Variants in TAGLN observed in about 807,000 individuals in gnomAD.
The protein encoded by TAGLN is 22 kDa actin-binding protein.
TAGLN carries 16 observed loss-of-function variants against 21.9 expected under a neutral mutation model. The ratio of observed to expected loss-of-function variants is 0.73; its 90% CI spans 0.49 to 1.11. TAGLN has a LOEUF of 1.11. Ranked by LOEUF, TAGLN falls within the 50% of genes least tolerant of loss-of-function variation. The pLI, the probability that TAGLN is intolerant of heterozygous loss-of-function variation, is 0.00. For synonymous variants in TAGLN, 96 were observed against 94.9 expected (o/e 1.01, Z -0.06); for missense variants, 248 against 263.2 (o/e 0.94, Z 0.40).
At chr11:117,199,298 G>A (rs998513270), upstream of TAGLN, 1 of 152,446 alleles carries the variant, frequency 6.6e-6, no homozygotes, top group East Asian at 1.9e-4. Context: ...GGGGGCCGAG[G>A]AGCGAGCCAG....
At position 117,203,820 on chromosome 11, in the gene TAGLN, T is replaced by C; in HGVS notation, c.397T>C (p.Leu133=). The stretch of plus-strand genomic sequence containing the variant: ...AGCAGTGCAGAGGACCCTGATGGCT[T>C]TGGGCAGCTTGGCAGTGACCAAGAA... ...MAAVQRTLMA[L]GSLAVTKNDG... is the part of the protein sequence containing the mutation. The change falls in exon 4 of 5, where the codon TTG becomes CTG. Residue 133 remains leucine (L), a synonymous_variant. Coordinates refer to ENST00000392951, the MANE Select transcript of TAGLN (RefSeq NM_003186.5). This position sits in a 1 kb window ranked among gnomAD's most constrained non-coding sequence, Gnocchi z 4.4. 1.2e-6 allele frequency: 2 copies of C among 1,614,026 alleles called. No homozygotes were observed. The highest frequency in any genetic ancestry group is 1.7e-4 in the Middle Eastern group (1 of 6,060).
At position 117,203,289 on chromosome 11, in the gene TAGLN, A is replaced by G. The variant is rs765910054; in HGVS notation, c.181-18A>G. On this transcript the variant is annotated intron_variant, in intron 2 of 4. Coordinates refer to ENST00000392951, the MANE Select transcript of TAGLN (RefSeq NM_003186.5). The surrounding 1 kb of genome is among the most constrained non-coding windows in gnomAD (Gnocchi z 4.4). Reference sequence around the variant, plus strand: ...TGAGCTGACTGCTAAGCTGCGTCCTATGCCCTATGCCTGGTAGATTCTGAG... The same window carrying G: ...TGAGCTGACTGCTAAGCTGCGTCCTGTGCCCTATGCCTGGTAGATTCTGAG... The G allele has an allele frequency of 6.2e-6, 10 of 1,613,648 alleles. No individual in the cohort carries two copies. The African/African-American group carries it at 6.7e-5, about 11-fold the overall frequency.
rs377339313 is a variant in TAGLN, at chr11:117,204,221, G to A, written c.468G>A (p.Ala156=). Residue 156 remains alanine, a synonymous_variant, in exon 5 of 5, where the codon GCG becomes GCA. Coordinates refer to ENST00000392951, the MANE Select transcript of TAGLN (RefSeq NM_003186.5). ...RGDPNWFMKK[A]QEHKREFTES... ...CTGGTTCCTCCTCTTCTAGGAAAGC[G>A]CAGGAGCATAAGAGGGAATTCACAG... 51 of 1,614,234 alleles carry A rather than the reference G, an allele frequency of 3.2e-5. No homozygotes were observed. Among genetic ancestry groups the A allele is most frequent in the Admixed American group, 2.0e-4 (12 of 60,032 alleles).
At chr11:117,202,101 C>G (rs763961900) in intron 1 of TAGLN, 4 of 152,400 alleles carry the variant, frequency 2.6e-5, no homozygotes, top group Non-Finnish European at 5.9e-5. Context: ...GCCAGGCTTC[C>G]CATTCCCTGG....
intron 1 of TAGLN, 95 bp from the exon 2 acceptor site, chr11:117,202,907 A>C: frequency 8.4e-7 from 1 of 1,196,270 alleles, no homozygotes; most frequent in Non-Finnish European, 1.1e-6. Flanking sequence ...ATGGCCGGGT[A>C]TCCTGCACAG....
chr11:117,201,598 A>T (rs773470909), intron 1 of TAGLN: 1 of 152,244 alleles, frequency 6.6e-6, no homozygotes, highest in African/African-American at 2.4e-5. Context: ...GGTTGGTAAC[A>T]TAACCCCCAC....
At chr11:117,204,043 C>T in intron 4 of TAGLN, 159 bp downstream of exon 4, 1 of 1,102,928 alleles carries the variant, frequency 9.1e-7, no homozygotes, top group Non-Finnish European at 1.3e-6. Context: ...TTGACCCCTC[C>T]CTTTCCACCC....
At chr11:117,200,777 T>A (rs966260483) in intron 1 of TAGLN, among the ~76,000 whole-genome samples, 2 of 152,156 alleles carry the variant, frequency 1.3e-5, no homozygotes, top group African/African-American at 4.8e-5. Flanking sequence ...TGACCTGTAT[T>A]GTCTGTTCTG....
In TAGLN at chr11:117,205,979, C is replaced by T. The variant is rs753853356; in HGVS notation, c.*1620C>T. ...TTTTGGGAAAGAAGAGCCTGTCCCA[C>T]ACTGTCAGGCCCTGAGGTCAGCAGA... On this transcript the variant is annotated 3_prime_UTR_variant, in exon 5 of 5. Transcript: ENST00000392951. 3 of 959,064 alleles carry T rather than the reference C, an allele frequency of 3.1e-6. No homozygotes were observed. The highest frequency in any genetic ancestry group is 5.3e-5 in the East Asian group (2 of 37,888). 59.4% of individuals were successfully genotyped at this position (959,064 alleles called of 1,614,324 possible). A position where few individuals can be genotyped will look rare whatever the true frequency, so the allele number is the denominator to read the frequency against.
rs549583527 is a variant in TAGLN, at chr11:117,203,612, C to T, written c.358+128C>T. 1.6e-5 allele frequency: 20 copies of T among 1,277,866 alleles called. No homozygotes were observed. Among genetic ancestry groups the T allele is most frequent in the African/African-American group, 2.9e-5 (2 of 68,028 alleles). 79.2% of individuals were successfully genotyped at this position (1,277,866 alleles called of 1,614,324 possible). A position where few individuals can be genotyped will look rare whatever the true frequency, so the allele number is the denominator to read the frequency against. On this transcript the variant is annotated intron_variant, in intron 3 of 4. Transcript: ENST00000392951. The surrounding 1 kb of genome is among the most constrained non-coding windows in gnomAD (Gnocchi z 4.4). ...CGCACACAGCAGGGATGGGATATGCCGAGAATAACACGCCACGCTCACAGG... is the reference window on the plus strand; with the variant it reads ...CGCACACAGCAGGGATGGGATATGCTGAGAATAACACGCCACGCTCACAGG...
intron 1 of TAGLN, chr11:117,201,755 T>A (rs1206654801): frequency 6.6e-6 from 1 of 151,956 alleles, no homozygotes; most frequent in Admixed American, 6.6e-5. Flanking sequence ...TGGGGAGGGG[T>A]CTCACCAGAG....
In TAGLN at chr11:117,203,469, G is replaced by A. The variant is rs565311785; in HGVS notation, c.343G>A (p.Val115Ile). Residue 115 changes from valine to isoleucine, a missense_variant, in exon 3 of 5, where the codon GTT (valine) becomes ATT (isoleucine). By Grantham distance (29) the Val-to-Ile change is conservative. Coordinates refer to ENST00000392951, the MANE Select transcript of TAGLN (RefSeq NM_003186.5). This position sits in a 1 kb window ranked among gnomAD's most constrained non-coding sequence, Gnocchi z 4.4. ...GVIKTDMFQT[V>I]DLFEGKDMAA... ...CATCAAGACTGACATGTTCCAGACTGTTGACCTCTTTGAAGGTAGAGAGGA... is the reference window on the plus strand; with the variant it reads ...CATCAAGACTGACATGTTCCAGACTATTGACCTCTTTGAAGGTAGAGAGGA... 4 of 1,614,092 alleles carry A rather than the reference G, an allele frequency of 2.5e-6. No homozygotes were observed. The highest frequency in any genetic ancestry group is 1.3e-5 in the African/African-American group (1 of 75,050).
chr11:117,203,725 T>C lies in TAGLN; in HGVS notation c.359-57T>C. On this transcript the variant is annotated intron_variant, in intron 3 of 4. Transcript: ENST00000392951. This position sits in a 1 kb window ranked among gnomAD's most constrained non-coding sequence, Gnocchi z 4.4. ...GTGAGAGACGGGGGCAGGCCCTGGCTTGGAGTCTTGTTTATACGTTCTTGA... is the reference window on the plus strand; with the variant it reads ...GTGAGAGACGGGGGCAGGCCCTGGCCTGGAGTCTTGTTTATACGTTCTTGA... The C allele has an allele frequency of 6.4e-7, 1 of 1,554,604 alleles. No homozygotes were observed. Among genetic ancestry groups the C allele is most frequent in the Admixed American group, 1.7e-5 (1 of 59,450 alleles).
At position 117,203,952 on chromosome 11, in the gene TAGLN, G is replaced by A. The variant is rs1038337521; in HGVS notation, c.461+68G>A. On this transcript the variant is annotated intron_variant, in intron 4 of 4. Coordinates refer to ENST00000392951, the MANE Select transcript of TAGLN (RefSeq NM_003186.5). This position sits in a 1 kb window ranked among gnomAD's most constrained non-coding sequence, Gnocchi z 4.4. ...AGGTGGCTTGTTCTAAGGAGCTTGC[G>A]GGAAGGATTAGGGGAAGCAGATAGC... 1.9e-5 allele frequency: 27 copies of A among 1,409,044 alleles called. No homozygotes were observed. Among genetic ancestry groups the A allele is most frequent in the African/African-American group, 7.1e-5 (5 of 70,608 alleles). 87.3% of individuals were successfully genotyped at this position (1,409,044 alleles called of 1,614,324 possible). A position where few individuals can be genotyped will look rare whatever the true frequency, so the allele number is the denominator to read the frequency against.
rs999044499 is a variant in TAGLN, at chr11:117,199,415, G to A, written c.-30G>A. 1.3e-5 allele frequency: 2 copies of A among 152,462 alleles called. No individual in the cohort carries two copies. The highest frequency in any genetic ancestry group is 4.8e-5 in the African/African-American group (2 of 41,578). 9.4% of individuals were successfully genotyped at this position (152,462 alleles called of 1,614,324 possible). ...GACACAAGTCTTCACTCCTTCCTGC[G>A]AGCCCTGAGGAAGCCTTGTGAGTGC... On this transcript the variant is annotated 5_prime_UTR_variant, in exon 1 of 5. Transcript: ENST00000392951.
rs1457742068 is a variant in TAGLN, at chr11:117,204,817, G to C, written c.*458G>C. On this transcript the variant is annotated 3_prime_UTR_variant, in exon 5 of 5. Transcript: ENST00000392951. ...AGGCCTGGCTGGCAGAGTTTGATTT[G>C]CCCTGGTCACTTTTGTTATGGTTTC... 9 of 300,884 alleles carry C rather than the reference G, an allele frequency of 3.0e-5. No individual in the cohort carries two copies. The highest frequency in any genetic ancestry group is 5.2e-5 in the Non-Finnish European group (8 of 153,214). The allele number at this position is 300,884 out of a possible 1,614,324, so 18.6% of individuals were successfully genotyped here.
rs369057227 is a variant in TAGLN, at chr11:117,203,283, C to T, written c.181-24C>T. 4.8e-5 allele frequency: 78 copies of T among 1,612,342 alleles called. No homozygotes were observed. The African/African-American group carries it at 8.6e-4, about 18-fold the overall frequency. On this transcript the variant is annotated intron_variant, in intron 2 of 4. Transcript: ENST00000392951. This position sits in a 1 kb window ranked among gnomAD's most constrained non-coding sequence, Gnocchi z 4.4. ...AATCCCTGAGCTGACTGCTAAGCTG[C>T]GTCCTATGCCCTATGCCTGGTAGAT...
rs372976677 is a variant in TAGLN, at chr11:117,203,296, A to G, written c.181-11A>G. On this transcript the variant is annotated splice_polypyrimidine_tract_variant and intron_variant, in intron 2 of 4. Coordinates refer to ENST00000392951, the MANE Select transcript of TAGLN (RefSeq NM_003186.5). This position sits in a 1 kb window ranked among gnomAD's most constrained non-coding sequence, Gnocchi z 4.4. ...ACTGCTAAGCTGCGTCCTATGCCCT[A>G]TGCCTGGTAGATTCTGAGCAAGCTG... The G allele has an allele frequency of 1.7e-5, 27 of 1,613,914 alleles. No individual in the cohort carries two copies. The highest frequency in any genetic ancestry group is 1.0e-4 in the Admixed American group (6 of 59,998).
In TAGLN at chr11:117,206,956, G is replaced by A. The variant is rs146765763; in HGVS notation, c.*2597G>A. Reference sequence around the variant, plus strand: ...TTCCCAGCCCGGGGCTCCATCTACCGGCTTGACGCTGGAACTGGGAAGCAC... The same window carrying A: ...TTCCCAGCCCGGGGCTCCATCTACCAGCTTGACGCTGGAACTGGGAAGCAC... On this transcript the variant is annotated 3_prime_UTR_variant, in exon 5 of 5. Transcript: ENST00000392951. 1.2e-3 allele frequency: 1,630 copies of A among 1,345,100 alleles called. 536 individuals carry two copies. The highest frequency in any genetic ancestry group is 6.1e-3 in the South Asian group (486 of 80,044). 83.3% of individuals were successfully genotyped at this position (1,345,100 alleles called of 1,614,324 possible).
Sources: allele counts gnomAD v4.1 joint callset (sites outside exome capture counted in the v4.1 genomes callset), GRCh38; gene constraint gnomAD v4.1.1; non-coding constraint Gnocchi (gnomAD v3.1); transcripts MANE v1.5; gene names NCBI Gene and HGNC (gene_info 2026-07-23, HGNC 2026-07-21).